Variants in TMCC1 observed in about 807,000 individuals in gnomAD.
TMCC1 encodes the protein transmembrane and coiled-coil domain family 1.
A neutral mutation model predicts 52.4 loss-of-function variants in TMCC1; 15 were observed. The observed-to-expected ratio is 0.29, with a 90% CI of 0.19 to 0.44. The LOEUF is 0.44. Ranked by LOEUF, TMCC1 falls within the 20% of genes least tolerant of loss-of-function variation. TMCC1 has a pLI of 1.00. For missense variants in TMCC1, 503 were observed against 806.0 expected, an observed-to-expected ratio of 0.62 and a Z score of 4.55; for synonymous variants, 279 against 301.9, an observed-to-expected ratio of 0.92 and a Z score of 0.79.
At chr3:129,831,553 T>C (rs2058914280) in intron 3 of TMCC1, among the ~76,000 whole-genome samples, 1 of 152,204 alleles carries the variant, frequency 6.6e-6, no homozygotes, top group Non-Finnish European at 1.5e-5. Context: ...CTTACACTTG[T>C]AGCTATCATC....
chr3:129,828,434 G>T lies in TMCC1; in HGVS notation c.-56C>A. 6.5e-7 allele frequency: 1 copy of T among 1,534,440 alleles called. No individual in the cohort carries two copies. The highest frequency in any genetic ancestry group is 8.8e-7 in the Non-Finnish European group (1 of 1,131,420). On this transcript the variant is annotated 5_prime_UTR_variant, in exon 4 of 7. Transcript: ENST00000393238. This position sits in a 1 kb window ranked among gnomAD's most constrained non-coding sequence, Gnocchi z 4.1. The stretch of plus-strand genomic sequence containing the variant: ...CAAAAAAATTTTTTAAACACACCAA[G>T]AGTGTCAAATTAGGTAGGCATTTGC...
intron 4 of TMCC1, among the ~76,000 whole-genome samples, chr3:129,789,454 TA>T (rs1472183666): frequency 1.3e-5 from 2 of 152,208 alleles, no homozygotes; most frequent in African/African-American, 4.8e-5. Context: ...CAGGTTTTAT[TA>T]AAAATTCAAA....
At chr3:129,688,865 C>T in intron 4 of TMCC1, 1 of 450,310 alleles carries the variant, frequency 2.2e-6, no homozygotes, top group Non-Finnish European at 2.9e-6. Context: ...ATTCAACATT[C>T]ACATTTGTCT....
intron 4 of TMCC1, among the ~76,000 whole-genome samples, chr3:129,714,267 T>G (rs1420642342): frequency 6.6e-6 from 1 of 152,204 alleles, no homozygotes; most frequent in Non-Finnish European, 1.5e-5. Flanking sequence ...TTCCTAGCAG[T>G]TTATCAGTGT....
chr3:129,828,939 T>C lies in TMCC1; in HGVS notation c.-130-431A>G, dbSNP rs2058778808. Among the ~76,000 whole-genome samples the C allele has an allele frequency of 6.6e-6, 1 of 152,220 alleles. No homozygotes were observed. The highest frequency in any genetic ancestry group is 6.5e-5 in the Admixed American group (1 of 15,284). ...TCTCATTCATAACCACAGTTAATTA[T>C]TCACAGGCTGAAACTCAGTATAATC... is the stretch of plus-strand genomic sequence containing the variant. On this transcript the variant is annotated intron_variant, in intron 3 of 6. Coordinates refer to ENST00000393238, the MANE Select transcript of TMCC1 (RefSeq NM_001017395.5). The surrounding 1 kb of genome is among the most constrained non-coding windows in gnomAD (Gnocchi z 4.1).
chr3:129,803,495 ATT>A (rs1342162795), intron 4 of TMCC1, among the ~76,000 whole-genome samples: 2 of 152,226 alleles, frequency 1.3e-5, no homozygotes, highest in African/African-American at 4.8e-5. Context: ...CAGATGGTAC[ATT>A]TGTTATGTGT....
At chr3:129,763,388 TA>T (rs1010348154) in intron 4 of TMCC1, among the ~76,000 whole-genome samples, 2 of 145,560 alleles carry the variant, frequency 1.4e-5, no homozygotes, top group Non-Finnish European at 1.5e-5. Context: ...ACTAAAAAAA[TA>T]AAAAAAATTA....
chr3:129,877,750 T>A (rs2061286039), intron 2 of TMCC1, among the ~76,000 whole-genome samples: 1 of 149,172 alleles, frequency 6.7e-6, no homozygotes, highest in South Asian at 2.2e-4. Context: ...TGCCTCAGCC[T>A]CCCAAGTAGC....
intron 4 of TMCC1, among the ~76,000 whole-genome samples, chr3:129,785,331 C>T (rs1213408123): frequency 6.6e-6 from 1 of 152,074 alleles, no homozygotes; most frequent in Non-Finnish European, 1.5e-5. Context: ...AAGTTTTCTC[C>T]AAGTTAGAAT....
At chr3:129,751,877 A>G (rs149144955) in intron 4 of TMCC1, among the ~76,000 whole-genome samples, 323 of 152,174 alleles carry the variant, frequency 2.1e-3, no homozygotes, top group African/African-American at 7.2e-3. Context: ...TATCTTTTCT[A>G]TCTTCAACAT....
intron 4 of TMCC1, among the ~76,000 whole-genome samples, chr3:129,702,288 G>GT (rs2047896826): frequency 6.7e-6 from 1 of 149,098 alleles, no homozygotes; most frequent in African/African-American, 2.5e-5. Flanking sequence ...ACATGTTGCT[G>GT]TAACATTTTC....
intron 4 of TMCC1, among the ~76,000 whole-genome samples, chr3:129,779,382 C>T (rs557041538): frequency 6.6e-6 from 1 of 152,222 alleles, no homozygotes; most frequent in East Asian, 1.9e-4. Context: ...GAGTTCTTAA[C>T]AATCACATTA....
intron 4 of TMCC1, among the ~76,000 whole-genome samples, chr3:129,692,168 G>C (rs902983299): frequency 7.9e-5 from 12 of 152,088 alleles, no homozygotes; most frequent in Non-Finnish European, 1.6e-4. Flanking sequence ...AATTTAATCT[G>C]AACTTTGTAA....
At chr3:129,843,738 T>G (rs967626644) in intron 2 of TMCC1, among the ~76,000 whole-genome samples, 1 of 151,992 alleles carries the variant, frequency 6.6e-6, no homozygotes. Context: ...AGTTTGAAAC[T>G]TCCCAAAAAA....
At chr3:129,734,177 T>A (rs1389856052) in intron 4 of TMCC1, among the ~76,000 whole-genome samples, 1 of 152,140 alleles carries the variant, frequency 6.6e-6, no homozygotes, top group Non-Finnish European at 1.5e-5. Flanking sequence ...TGTATGTCCA[T>A]TAACAGGAGA....
At chr3:129,831,208 A>G (rs1253369304) in intron 3 of TMCC1, among the ~76,000 whole-genome samples, 1 of 152,196 alleles carries the variant, frequency 6.6e-6, no homozygotes, top group East Asian at 1.9e-4. Flanking sequence ...TGCTGAGATT[A>G]CAGGTGTGAG....
intron 1 of TMCC1, among the ~76,000 whole-genome samples, chr3:129,882,141 T>C (rs1432739552): frequency 6.6e-6 from 1 of 152,148 alleles, no homozygotes; most frequent in Non-Finnish European, 1.5e-5. Flanking sequence ...ACAGATCATC[T>C]ATCATCCAGA....
intron 5 of TMCC1, among the ~76,000 whole-genome samples, chr3:129,667,499 A>C (rs73863691): frequency 0.038 from 5,709 of 152,220 alleles, 348 homozygotes; most frequent in African/African-American, 0.13. Flanking sequence ...GAAATGGGAA[A>C]ACAAAACAAG....
intron 4 of TMCC1, among the ~76,000 whole-genome samples, chr3:129,810,395 A>G (rs1403921293): frequency 6.6e-6 from 1 of 152,122 alleles, no homozygotes; most frequent in Non-Finnish European, 1.5e-5. Context: ...GACATATATC[A>G]CATACTAGTA....
Sources: allele counts gnomAD v4.1 joint callset (sites outside exome capture counted in the v4.1 genomes callset), GRCh38; gene constraint gnomAD v4.1.1; non-coding constraint Gnocchi (gnomAD v3.1); transcripts MANE v1.5; gene names NCBI Gene and HGNC (gene_info 2026-07-23, HGNC 2026-07-21).